The following LEPR variants were observed in gnomAD, a reference collection of about 807,000 sequenced individuals.
LEPR encodes leptin receptor, also known as OB receptor.
A neutral mutation model predicts 114.7 loss-of-function variants in LEPR; 56 were observed. The ratio of observed to expected loss-of-function variants is 0.49; its 90% confidence interval spans 0.39 to 0.61. LEPR has a LOEUF of 0.61. Among genes scored for constraint, LEPR ranks in the 20% least tolerant of loss-of-function variants. The pLI is 0.00. For missense variants in LEPR, 1,202 were observed against 1,352.9 expected (o/e 0.89, Z 1.75); for synonymous variants, 443 against 461.4 (o/e 0.96, Z 0.51).
At chr1:65,617,631 T>G (rs1657611641) in intron 15 of LEPR, among the ~76,000 whole-genome samples, 1 of 152,204 alleles carries the variant, frequency 6.6e-6, no homozygotes. Flanking sequence ...ATGAACAGAT[T>G]TGTGCTTTGA....
At chr1:65,487,381 C>T (rs1647545930) in intron 2 of LEPR, among the ~76,000 whole-genome samples, 1 of 151,998 alleles carries the variant, frequency 6.6e-6, no homozygotes, top group East Asian at 1.9e-4. Flanking sequence ...GTGGAAAGAA[C>T]ATTTTGCCTA....
In LEPR at chr1:65,472,926, A is replaced by T. The variant is rs150792804; in HGVS notation, c.-21+47548A>T. Among the ~76,000 whole-genome samples the T allele has an allele frequency of 2.5e-3, 376 of 152,314 alleles. 1 individual carries two copies. Among genetic ancestry groups the T allele is most frequent in the African/African-American group, 8.3e-3 (345 of 41,566 alleles). Reference sequence around the variant, plus strand: ...GGACCTCAGATAGCATCTAATTCAAAAACTCATCTAATGCAGTGCAGTATT... The same window carrying T: ...GGACCTCAGATAGCATCTAATTCAATAACTCATCTAATGCAGTGCAGTATT... On this transcript the variant is annotated intron_variant, in intron 2 of 19. Coordinates refer to ENST00000349533, the MANE Select transcript of LEPR (RefSeq NM_002303.6).
At chr1:65,531,124 A>G (rs1650365540) in intron 2 of LEPR, among the ~76,000 whole-genome samples, 1 of 152,024 alleles carries the variant, frequency 6.6e-6, no homozygotes, top group Non-Finnish European at 1.5e-5. Flanking sequence ...TCTGCTTGCC[A>G]CTTTACCTGT....
At chr1:65,550,517 A>T (rs187534126) in intron 2 of LEPR, among the ~76,000 whole-genome samples, 7 of 152,322 alleles carry the variant, frequency 4.6e-5, no homozygotes, top group African/African-American at 7.2e-5. Context: ...AGCCTGGGCC[A>T]TGGCGGGTGC....
At chr1:65,459,364 A>G (rs568905022) in intron 2 of LEPR, among the ~76,000 whole-genome samples, 2 of 152,242 alleles carry the variant, frequency 1.3e-5, no homozygotes, top group East Asian at 3.9e-4. Flanking sequence ...TGTGAGGACA[A>G]TCCTGAAACT....
At chr1:65,594,534 C>T (rs1655919781) in intron 6 of LEPR, among the ~76,000 whole-genome samples, 1 of 151,928 alleles carries the variant, frequency 6.6e-6, no homozygotes, top group South Asian at 2.1e-4. Flanking sequence ...TCTAGGTGAA[C>T]AGAGACACCA....
intron 14 of LEPR, 53 bp downstream of exon 14, chr1:65,610,349 T>C: frequency 7.0e-7 from 1 of 1,423,756 alleles, no homozygotes; most frequent in Non-Finnish European, 9.7e-7. Flanking sequence ...CTCTTAAAAA[T>C]TTACTTCATG....
At chr1:65,567,449 TAGA>T (rs767167482) in intron 3 of LEPR, among the ~76,000 whole-genome samples, 51 of 152,198 alleles carry the variant, frequency 3.4e-4, no homozygotes, top group Non-Finnish European at 6.9e-4. Flanking sequence ...AGAAACATGT[TAGA>T]AGGAGTGAAG....
intron 2 of LEPR, among the ~76,000 whole-genome samples, chr1:65,558,019 G>A (rs1309012592): frequency 6.6e-6 from 1 of 152,272 alleles, no homozygotes; most frequent in African/African-American, 2.4e-5. Flanking sequence ...GAGGAGACCA[G>A]GTGAGTTAAA....
chr1:65,549,696 T>A (rs1389535119), intron 2 of LEPR, among the ~76,000 whole-genome samples: 1 of 152,146 alleles, frequency 6.6e-6, no homozygotes, highest in Non-Finnish European at 1.5e-5. Context: ...GTATTGGTTA[T>A]TCTAGTTATA....
chr1:65,568,237 CT>C (rs1209874021), intron 3 of LEPR, among the ~76,000 whole-genome samples: 4 of 151,886 alleles, frequency 2.6e-5, no homozygotes, highest in South Asian at 2.1e-4. Flanking sequence ...TCCTCCATGT[CT>C]TTTTTTTCCT....
chr1:65,529,132 T>A (rs533263290), intron 2 of LEPR, among the ~76,000 whole-genome samples: 1 of 152,252 alleles, frequency 6.6e-6, no homozygotes, highest in Non-Finnish European at 1.5e-5. Context: ...TTTTATATGA[T>A]TATGGTAGGC....
At position 65,638,922 on chromosome 1, in the gene LEPR, A is replaced by T; in HGVS notation, c.*1907A>T. The T allele has an allele frequency of 6.6e-6, 1 of 152,336 alleles. No homozygotes were observed. Among genetic ancestry groups the T allele is most frequent in the Middle Eastern group, 3.4e-3 (1 of 294 alleles). The allele number at this position is 152,336 out of a possible 1,614,324, so 9.4% of individuals were successfully genotyped here. On this transcript the variant is annotated 3_prime_UTR_variant, in exon 20 of 20. Transcript: ENST00000349533. The stretch of plus-strand genomic sequence containing the variant: ...CAGAAACAGATAAATTATTACATGT[A>T]TAAAAATTTTAGTAAAATTGACATT...
intron 14 of LEPR, 23 bp from the exon 15 acceptor site, chr1:65,615,985 A>G: frequency 1.2e-6 from 2 of 1,613,910 alleles, no homozygotes; most frequent in Non-Finnish European, 1.7e-6. Context: ...CCTTAAACTA[A>G]TCAATTTCTA....
chr1:65,602,191 G>GA (rs1291037004), intron 10 of LEPR, among the ~76,000 whole-genome samples: 2 of 151,912 alleles, frequency 1.3e-5, no homozygotes, highest in African/African-American at 4.8e-5. Flanking sequence ...TATCTTTTCT[G>GA]AAAATCAATC....
chr1:65,544,823 T>G (rs1480463166), intron 2 of LEPR, among the ~76,000 whole-genome samples: 1 of 151,112 alleles, frequency 6.6e-6, no homozygotes, highest in Admixed American at 6.6e-5. Context: ...ATTATTATTA[T>G]ACTTTAAGTT....
At chr1:65,497,258 G>C (rs1570561791) in intron 2 of LEPR, among the ~76,000 whole-genome samples, 1 of 152,136 alleles carries the variant, frequency 6.6e-6, no homozygotes, top group East Asian at 1.9e-4. Flanking sequence ...TTGAAGAGCT[G>C]ACCCTGAAAG....
chr1:65,518,666 T>A (rs548055742), intron 2 of LEPR, among the ~76,000 whole-genome samples: 29 of 152,262 alleles, frequency 1.9e-4, no homozygotes, highest in African/African-American at 7.0e-4. Context: ...TGCTTGAAAA[T>A]CTCCTCAGCT....
chr1:65,500,217 T>G (rs116392384), intron 2 of LEPR, among the ~76,000 whole-genome samples: 4,080 of 152,198 alleles, frequency 0.027, 190 homozygotes, highest in African/African-American at 0.093. Flanking sequence ...ACCTCTTTTC[T>G]TTATAAATAA....
Sources: allele counts gnomAD v4.1 joint callset (sites outside exome capture counted in the v4.1 genomes callset), GRCh38; gene constraint gnomAD v4.1.1; transcripts MANE v1.5; gene names NCBI Gene and HGNC (gene_info 2026-07-23, HGNC 2026-07-21).